DDX6: variants seen among roughly 807,000 people sequenced by gnomAD.
The protein encoded by DDX6 is DEAD-box helicase 6.
A neutral mutation model predicts 60.6 loss-of-function variants in DDX6; 7 were observed. The ratio of observed to expected loss-of-function variants is 0.12; its 90% confidence interval spans 0.07 to 0.22. DDX6 has a LOEUF of 0.22. DDX6 is among the 10% of genes least tolerant of loss of function. The pLI, the probability that DDX6 is intolerant of heterozygous loss-of-function variation, is 1.00. For missense variants in DDX6, 270 were observed against 589.9 expected, an observed-to-expected ratio of 0.46 and a Z score of 5.62; for synonymous variants, 207 against 201.0, an observed-to-expected ratio of 1.03 and a Z score of -0.25.
In DDX6 at chr11:118,751,316, G is replaced by A. The variant is rs1280639215; in HGVS notation, c.*789C>T. On this transcript the variant is annotated 3_prime_UTR_variant, in exon 14 of 14. Coordinates refer to ENST00000534980, the MANE Select transcript of DDX6 (RefSeq NM_004397.6). The stretch of plus-strand genomic sequence containing the variant: ...ATAGACTGCTCTTTCCTTTGGGAGC[G>A]ATGATGTTTTTTATCTACTCAGCCC... 1.5e-4 allele frequency: 23 copies of A among 151,686 alleles called. No homozygotes were observed. The highest frequency in any genetic ancestry group is 4.6e-4 in the African/African-American group (19 of 41,318). 9.4% of individuals were successfully genotyped at this position (151,686 alleles called of 1,614,324 possible). A position where few individuals can be genotyped will look rare whatever the true frequency, so the allele number is the denominator to read the frequency against.
At chr11:118,768,547 G>C (rs1467593591) in intron 4 of DDX6, among the ~76,000 whole-genome samples, 195 bp from the exon 5 acceptor site, 1 of 152,160 alleles carries the variant, frequency 6.6e-6, no homozygotes, top group African/African-American at 2.4e-5. Context: ...TTATAAACCA[G>C]TATTTACCAG....
chr11:118,776,872 G>A (rs1861718821), intron 4 of DDX6, among the ~76,000 whole-genome samples: 1 of 151,098 alleles, frequency 6.6e-6, no homozygotes, highest in Admixed American at 6.6e-5. Flanking sequence ...CTTCAGTGTA[G>A]ATAAAATGGC....
rs181664327 is a variant in DDX6, at chr11:118,750,465, A to C, written c.*1640T>G. 1 of 152,294 alleles carries C rather than the reference A, an allele frequency of 6.6e-6. No homozygotes were observed. Among genetic ancestry groups the C allele is most frequent in the African/African-American group, 2.4e-5 (1 of 41,560 alleles). 9.4% of individuals were successfully genotyped at this position (152,294 alleles called of 1,614,324 possible). On this transcript the variant is annotated 3_prime_UTR_variant, in exon 14 of 14. Transcript: ENST00000534980. Reference sequence around the variant, plus strand: ...TGGCAAGCAGCTTTCTGTAGCATGAAAGTTAACAGCTCTCAGGTTGCCCAT... The same window carrying C: ...TGGCAAGCAGCTTTCTGTAGCATGACAGTTAACAGCTCTCAGGTTGCCCAT...
chr11:118,750,625 A>C lies in DDX6; in HGVS notation c.*1480T>G, dbSNP rs1555156976. 6.6e-6 allele frequency: 1 copy of C among 152,262 alleles called. No homozygotes were observed. The allele number at this position is 152,262 out of a possible 1,614,324, so 9.4% of individuals were successfully genotyped here. ...GTACTGGCTAATATTCTGAAATGCAAATCTGTGCTTTATATATATACTGCT... is the reference window on the plus strand; with the variant it reads ...GTACTGGCTAATATTCTGAAATGCACATCTGTGCTTTATATATATACTGCT... On this transcript the variant is annotated 3_prime_UTR_variant, in exon 14 of 14. Coordinates refer to ENST00000534980, the MANE Select transcript of DDX6 (RefSeq NM_004397.6).
At chr11:118,785,258 A>C (rs1002237284) in intron 2 of DDX6, among the ~76,000 whole-genome samples, 1 of 152,222 alleles carries the variant, frequency 6.6e-6, no homozygotes, top group East Asian at 1.9e-4. Context: ...TAGTAAGAGG[A>C]GGCTCTTCAA....
At chr11:118,761,164 C>G (rs1861153025) in intron 7 of DDX6, among the ~76,000 whole-genome samples, 1 of 151,876 alleles carries the variant, frequency 6.6e-6, no homozygotes, top group African/African-American at 2.4e-5. Flanking sequence ...GGTTCTGGAG[C>G]TAAACTGCCA....
Position 118,748,991 on chromosome 11 carries a change from T to C in DDX6, c.*3114A>G, listed in dbSNP as rs1044998044. The C allele has an allele frequency of 2.0e-5, 3 of 152,128 alleles. No homozygotes were observed. The highest frequency in any genetic ancestry group is 4.4e-5 in the Non-Finnish European group (3 of 68,016). The allele number at this position is 152,128 out of a possible 1,614,324, so 9.4% of individuals were successfully genotyped here. On this transcript the variant is annotated 3_prime_UTR_variant, in exon 14 of 14. Transcript: ENST00000534980. ...CTGCTGGGACCAACTTCAAACAATTTAGAGGTATATTTAGGTTTCCCTCTC... is the reference window on the plus strand; with the variant it reads ...CTGCTGGGACCAACTTCAAACAATTCAGAGGTATATTTAGGTTTCCCTCTC...
intron 5 of DDX6, among the ~76,000 whole-genome samples, chr11:118,765,645 C>T (rs1200898165): frequency 4.6e-5 from 7 of 151,936 alleles, no homozygotes; most frequent in Admixed American, 6.6e-5. Context: ...CGTGGTGGCA[C>T]GCACCTGTAG....
intron 3 of DDX6, among the ~76,000 whole-genome samples, chr11:118,780,920 A>G (rs548108328): frequency 6.6e-6 from 1 of 152,344 alleles, no homozygotes; most frequent in African/African-American, 2.4e-5. Context: ...CAATAGGCTA[A>G]GAGAACTAAC....
rs544797539 is a variant in DDX6 at position 118,780,549 on chromosome 11, T to C, written c.264+572A>G. 7.2e-5 allele frequency among the ~76,000 whole-genome samples: 11 copies of C among 152,298 alleles called. No homozygotes were observed. The South Asian group carries it at 2.1e-3, about 29-fold the overall frequency. On this transcript the variant is annotated intron_variant, in intron 3 of 13. Transcript: ENST00000534980. ...CCAGGCTGGTCTTGAACTCCTGACCTCAGGTGATCCGCCTGCCTCGGCCTC... is the reference window on the plus strand; with the variant it reads ...CCAGGCTGGTCTTGAACTCCTGACCCCAGGTGATCCGCCTGCCTCGGCCTC...
At chr11:118,791,053 G>A (rs1435403204) in intron 1 of DDX6, 45 bp downstream of exon 1, 1 of 135,444 alleles carries the variant, frequency 7.4e-6, no homozygotes, top group Non-Finnish European at 1.6e-5. Context: ...GGGGCGCGCA[G>A]GCCAGCCGCC....
Position 118,756,335 on chromosome 11 carries a change from C to G in DDX6, c.1111-12G>C. On this transcript the variant is annotated splice_polypyrimidine_tract_variant and intron_variant, in intron 10 of 13. Transcript: ENST00000534980. ...CGATTTCGATGTTCCTAGGAGAAAG[C>G]AATGTATTCCATTTGATTAACACTC... The G allele has an allele frequency of 1.9e-6, 3 of 1,608,122 alleles. No individual in the cohort carries two copies. Among genetic ancestry groups the G allele is most frequent in the Non-Finnish European group, 8.5e-7 (1 of 1,174,864 alleles).
intron 7 of DDX6, among the ~76,000 whole-genome samples, chr11:118,761,861 GA>G (rs11296874): frequency 0.58 from 77,518 of 133,854 alleles, 21,718 homozygotes; most frequent in Admixed American, 0.68. Context: ...AAATTAAATG[GA>G]AAAAAAAAAA....
intron 6 of DDX6, among the ~76,000 whole-genome samples, chr11:118,763,786 A>T (rs1861254414): frequency 6.7e-6 from 1 of 149,800 alleles, no homozygotes; most frequent in African/African-American, 2.5e-5. Context: ...GTGAGCCGAG[A>T]TCACACCACT....
Position 118,765,354 on chromosome 11 carries a change from T to C in DDX6, c.501A>G (p.Ala167=). 4 of 1,613,948 alleles carry C rather than the reference T, an allele frequency of 2.5e-6. No individual in the cohort carries two copies. Among genetic ancestry groups the C allele is most frequent in the Non-Finnish European group, 3.4e-6 (4 of 1,179,876 alleles). The change falls in exon 6 of 14, where the codon GCA becomes GCG. Residue 167 remains alanine, a splice_region_variant and synonymous_variant. Coordinates refer to ENST00000534980, the MANE Select transcript of DDX6 (RefSeq NM_004397.6). ...GTTCTCTAGTGGGAACAATCACCAT[T>C]GCTGAAACAGTATCAAGGAATATAT... ...RLDLKKDNIQ[A]MVIVPTRELA...
intron 4 of DDX6, among the ~76,000 whole-genome samples, chr11:118,778,121 G>A (rs1185691172): frequency 2.6e-5 from 4 of 151,894 alleles, no homozygotes; most frequent in Admixed American, 2.0e-4. Context: ...TCTTTATAGG[G>A]GCAAATACAG....
intron 1 of DDX6, chr11:118,787,674 C>A (rs1862122681): frequency 6.6e-6 from 1 of 152,034 alleles, no homozygotes; most frequent in East Asian, 1.9e-4. Flanking sequence ...AATGTATTTT[C>A]TTTTTTCCTT....
Position 118,781,018 on chromosome 11 carries a change from G to T in DDX6, c.264+103C>A, listed in dbSNP as rs990083173. ...GGGTTGGAGGAGGAGGGTGGCAGTG[G>T]TGTTATGGTCCTGAAACCAATTCCC... On this transcript the variant is annotated intron_variant, in intron 3 of 13. Transcript: ENST00000534980. 3 of 712,078 alleles carry T rather than the reference G, an allele frequency of 4.2e-6. No homozygotes were observed. The South Asian group carries it at 5.0e-5, about 12-fold the overall frequency. 44.1% of individuals were successfully genotyped at this position (712,078 alleles called of 1,614,324 possible). A position where few individuals can be genotyped will look rare whatever the true frequency, so the allele number is the denominator to read the frequency against.
chr11:118,779,346 G>A (rs1555164214), intron 4 of DDX6, among the ~76,000 whole-genome samples: 2 of 151,980 alleles, frequency 1.3e-5, no homozygotes, highest in African/African-American at 4.8e-5. Context: ...GACATGTTTG[G>A]GTCCATTAAT....
Sources: gnomAD v4.1 joint callset for allele counts (sites outside exome capture counted in the v4.1 genomes callset) on GRCh38, gnomAD v4.1.1 for gene constraint, MANE v1.5 for transcripts, NCBI Gene and HGNC (gene_info 2026-07-23, HGNC 2026-07-21) for gene names.